The following FAM171B variants were observed in gnomAD, a reference collection of about 807,000 sequenced individuals.
FAM171B encodes the protein protein FAM171B.
FAM171B carries 19 observed loss-of-function variants against 75.6 expected under a neutral mutation model. The observed-to-expected ratio is 0.25, with a 90% CI of 0.18 to 0.37. FAM171B has a LOEUF of 0.37. Among genes scored for constraint, FAM171B ranks in the 10% least tolerant of loss-of-function variants. FAM171B has a pLI of 1.00. For synonymous variants in FAM171B, 367 were observed against 361.7 expected, an observed-to-expected ratio of 1.01 and a Z score of -0.17; for missense variants, 848 against 982.4, an observed-to-expected ratio of 0.86 and a Z score of 1.83.
intron 1 of FAM171B, among the ~76,000 whole-genome samples, chr2:186,731,174 T>C (rs1690107763): frequency 6.6e-6 from 1 of 152,192 alleles, no homozygotes; most frequent in Non-Finnish European, 1.5e-5. Flanking sequence ...GCCTAGTAAA[T>C]AGTATCCTTT....
intron 1 of FAM171B, among the ~76,000 whole-genome samples, chr2:186,725,968 C>T (rs188971691): frequency 2.9e-4 from 44 of 152,266 alleles, no homozygotes; most frequent in Admixed American, 2.4e-3. Flanking sequence ...CAAGAAGGAC[C>T]GGAGTCCAAA....
At chr2:186,738,613 G>C (rs1690239714) in intron 1 of FAM171B, among the ~76,000 whole-genome samples, 1 of 152,178 alleles carries the variant, frequency 6.6e-6, no homozygotes, top group African/African-American at 2.4e-5. Flanking sequence ...TGGCAGTTCA[G>C]TTTTTAGGTT....
rs1176084339 is a variant in FAM171B, at chr2:186,761,807, G to A, written c.1465G>A (p.Val489Ile). The A allele has an allele frequency of 1.2e-6, 2 of 1,613,082 alleles. No individual in the cohort carries two copies. Among genetic ancestry groups the A allele is most frequent in the Non-Finnish European group, 1.7e-6 (2 of 1,179,778 alleles). ...RNPTQSLEPN[V>I]GSKQPKHINN... ...CCCAACACAGTCTTTGGAGCCCAAT[G>A]TAGGGTCCAAACAACCTAAACATAT... Residue 489 changes from valine to isoleucine, a missense_variant, in exon 8 of 8, where the codon GTA (valine) becomes ATA (isoleucine). Physicochemically the swap from Val to Ile is conservative, Grantham distance 29 (BLOSUM62 3). Coordinates refer to ENST00000304698, the MANE Select transcript of FAM171B (RefSeq NM_177454.4).
At chr2:186,717,978 A>G (rs975207545) in intron 1 of FAM171B, among the ~76,000 whole-genome samples, 1 of 152,148 alleles carries the variant, frequency 6.6e-6, no homozygotes, top group African/African-American at 2.4e-5. Flanking sequence ...TAGGTGCTCA[A>G]TAAATGTTAT....
chr2:186,748,654 A>G (rs1407966013), intron 4 of FAM171B, among the ~76,000 whole-genome samples: 1 of 152,208 alleles, frequency 6.6e-6, no homozygotes, highest in Non-Finnish European at 1.5e-5. Flanking sequence ...CCACAGTGAT[A>G]ACCTGCTTGT....
rs1239894772 is a variant in FAM171B at position 186,762,483 on chromosome 2, T to C, written c.2141T>C (p.Leu714Pro). Residue 714 changes from leucine to proline, a missense_variant, in exon 8 of 8, where the codon CTT becomes CCT. By Grantham distance (98) the Leu-to-Pro change is moderately conservative. Coordinates refer to ENST00000304698, the MANE Select transcript of FAM171B (RefSeq NM_177454.4). This position sits in a 1 kb window ranked among gnomAD's most constrained non-coding sequence, Gnocchi z 4.0. ...SLDSGVDMNELHSSRKLEREK... is the reference protein window; with the variant it reads ...SLDSGVDMNEPHSSRKLEREK... ...GACTCTGGGGTGGACATGAATGAGC[T>C]TCACTCAAGTAGAAAGCTCGAGAGG... is the stretch of plus-strand genomic sequence containing the variant. The C allele has an allele frequency of 1.2e-6, 2 of 1,613,360 alleles. No homozygotes were observed. The highest frequency in any genetic ancestry group is 1.3e-5 in the African/African-American group (1 of 74,792).
intron 6 of FAM171B, among the ~76,000 whole-genome samples, chr2:186,754,995 A>C (rs755596682): frequency 2.0e-5 from 3 of 152,162 alleles, no homozygotes; most frequent in Non-Finnish European, 4.4e-5. Context: ...ACTAGGGAAG[A>C]TCTGTTCATA....
At chr2:186,705,968 C>A (rs1689728479) in intron 1 of FAM171B, among the ~76,000 whole-genome samples, 1 of 152,062 alleles carries the variant, frequency 6.6e-6, no homozygotes. Flanking sequence ...CTGAAAAAAC[C>A]CTTTGTTCAG....
At chr2:186,694,468 C>T in intron 1 of FAM171B, 57 bp downstream of exon 1, 1 of 1,550,566 alleles carries the variant, frequency 6.4e-7, no homozygotes, top group Non-Finnish European at 8.7e-7. Flanking sequence ...CTCTTAGGGC[C>T]TCGCCGGCTT....
At chr2:186,726,538 T>C (rs1030459688) in intron 1 of FAM171B, among the ~76,000 whole-genome samples, 22 of 152,140 alleles carry the variant, frequency 1.4e-4, no homozygotes, top group Admixed American at 1.4e-3. Flanking sequence ...CCTCTACTCT[T>C]TTCTGAACTT....
At chr2:186,714,930 G>T (rs1048898285) in intron 1 of FAM171B, among the ~76,000 whole-genome samples, 7 of 152,196 alleles carry the variant, frequency 4.6e-5, no homozygotes, top group African/African-American at 7.2e-5. Flanking sequence ...ACCCAAAGCA[G>T]TTTGTGTTAT....
intron 1 of FAM171B, among the ~76,000 whole-genome samples, chr2:186,719,540 A>G (rs1212952701): frequency 6.6e-6 from 1 of 152,188 alleles, no homozygotes; most frequent in African/African-American, 2.4e-5. Flanking sequence ...CTATCAAGAG[A>G]CTGTTGTGAG....
At chr2:186,752,355 A>C (rs563127174) in intron 5 of FAM171B, among the ~76,000 whole-genome samples, 1 of 152,206 alleles carries the variant, frequency 6.6e-6, no homozygotes, top group East Asian at 1.9e-4. Context: ...TAAGGCCCCC[A>C]AAACACATAC....
rs55683607 is a variant in FAM171B at position 186,736,567 on chromosome 2, G to GTGTGTGTGTGA, written c.239-3661_239-3660insTGTGTGTGTGA. Among the ~76,000 whole-genome samples, 102 of 104,628 alleles carry GTGTGTGTGTGA rather than the reference G, an allele frequency of 9.7e-4. 1 individual carries two copies. The highest frequency in any genetic ancestry group is 0.011 in the Middle Eastern group (2 of 182). 68.6% of individuals were successfully genotyped at this position (104,628 alleles called of 152,430 possible). ...GTGTGTGTGTGTGTGTGTGTGTGTG[G>GTGTGTGTGTGA]GAGAGAGAGAGAGAGAGAGAGAATG... On this transcript the variant is annotated intron_variant, in intron 1 of 7. Transcript: ENST00000304698.
intron 1 of FAM171B, among the ~76,000 whole-genome samples, chr2:186,708,131 TG>T (rs1021678358): frequency 1.3e-5 from 2 of 152,190 alleles, no homozygotes; most frequent in African/African-American, 4.8e-5. Flanking sequence ...TTCATTCACA[TG>T]CTTGAGCTGG....
chr2:186,765,682 T>C lies in FAM171B; in HGVS notation c.*2859T>C, dbSNP rs1312982373. ...CTTCCTAAAAAGGTGAAGCTCAAAG[T>C]CACACATTCTTATAAGGCGCATGAG... On this transcript the variant is annotated 3_prime_UTR_variant, in exon 8 of 8. Coordinates refer to ENST00000304698, the MANE Select transcript of FAM171B (RefSeq NM_177454.4). 5.2e-5 allele frequency: 1 copy of C among 19,328 alleles called. No homozygotes were observed. The highest frequency in any genetic ancestry group is 2.9e-3 in the Non-Finnish European group (1 of 344). 1.2% of individuals were successfully genotyped at this position (19,328 alleles called of 1,614,324 possible).
chr2:186,706,485 A>C (rs1689735130), intron 1 of FAM171B, among the ~76,000 whole-genome samples: 1 of 152,244 alleles, frequency 6.6e-6, no homozygotes, highest in African/African-American at 2.4e-5. Flanking sequence ...TACTTTGAGC[A>C]CTAGCTCTAT....
chr2:186,717,930 G>C (rs1559083739), intron 1 of FAM171B, among the ~76,000 whole-genome samples: 2 of 152,006 alleles, frequency 1.3e-5, no homozygotes. Context: ...TTGCTGTTTG[G>C]CTGATGGTCA....
intron 2 of FAM171B, among the ~76,000 whole-genome samples, chr2:186,742,078 T>C (rs745727450): frequency 6.6e-6 from 1 of 152,134 alleles, no homozygotes; most frequent in Non-Finnish European, 1.5e-5. Context: ...ATATCATAAT[T>C]CACTATTTTA....
Sources: gnomAD v4.1 joint callset for allele counts (sites outside exome capture counted in the v4.1 genomes callset) on GRCh38, gnomAD v4.1.1 for gene constraint, Gnocchi (gnomAD v3.1) non-coding constraint, MANE v1.5 for transcripts, NCBI Gene and HGNC (gene_info 2026-07-23, HGNC 2026-07-21) for gene names.